The following TCTN2 variants were observed in gnomAD, a reference collection of about 807,000 sequenced individuals.
The protein encoded by TCTN2 is tectonic-2.
A neutral mutation model predicts 83.4 loss-of-function variants in TCTN2; 66 were observed. The ratio of observed to expected loss-of-function variants is 0.79; its 90% CI spans 0.65 to 0.97. The LOEUF is 0.97. Among genes scored for constraint, TCTN2 ranks in the 50% least tolerant of loss-of-function variants. TCTN2 has a pLI of 0.00. For synonymous variants in TCTN2, 301 were observed against 326.7 expected (o/e 0.92, Z 0.85); for missense variants, 794 against 858.1 (o/e 0.93, Z 0.93).
At chr12:123,705,676 C>T (rs1956220007) in intron 15 of TCTN2, among the ~76,000 whole-genome samples, 1 of 152,140 alleles carries the variant, frequency 6.6e-6, no homozygotes. Context: ...TGGCAAAGAT[C>T]AGCACCAGCA....
chr12:123,689,653 CCCT>C (rs1956018401), intron 7 of TCTN2, among the ~76,000 whole-genome samples: 1 of 152,096 alleles, frequency 6.6e-6, no homozygotes, highest in Admixed American at 6.6e-5. Flanking sequence ...CTGATCCTCT[CCCT>C]CCTCCTACTC....
intron 4 of TCTN2, among the ~76,000 whole-genome samples, chr12:123,675,494 T>C (rs1955810068): frequency 6.6e-6 from 1 of 152,182 alleles, no homozygotes; most frequent in Admixed American, 6.5e-5. Context: ...CCTTATTACA[T>C]CCCTAACTGT....
chr12:123,704,447 T>C (rs1238473842), intron 14 of TCTN2, 85 bp from the exon 15 acceptor site: 7 of 1,399,764 alleles, frequency 5.0e-6, no homozygotes, highest in Middle Eastern at 2.3e-4. Context: ...CTGCCTGATA[T>C]TATTCCCCAT....
intron 15 of TCTN2, 115 bp downstream of exon 15, chr12:123,704,803 T>A: frequency 1.7e-6 from 2 of 1,152,904 alleles, no homozygotes; most frequent in Non-Finnish European, 2.6e-6. Flanking sequence ...AACTTGCAAT[T>A]ATTAGCAAGA....
intron 4 of TCTN2, among the ~76,000 whole-genome samples, chr12:123,676,546 T>A (rs1187422723): frequency 8.5e-6 from 1 of 118,148 alleles, no homozygotes; most frequent in Non-Finnish European, 1.6e-5. Context: ...CCAGCCTGGG[T>A]GACAGAGCGA....
Position 123,673,782 on chromosome 12 carries a change from C to T in TCTN2, c.435C>T (p.Ala145=), listed in dbSNP as rs747906452. Residue 145 remains alanine (A), a synonymous_variant, in exon 4 of 18, where the codon GCC becomes GCT. Coordinates refer to ENST00000303372, the MANE Select transcript of TCTN2 (RefSeq NM_024809.5). ...AHLLIQVEIY[A]NSSLTHNASE... is the part of the protein sequence containing the mutation. ...TACTCATTCAAGTGGAAATTTATGC[C>T]AACTCTTCTCTGACCCATAATGCCT... 27 of 1,614,004 alleles carry T rather than the reference C, an allele frequency of 1.7e-5. No homozygotes were observed. Among genetic ancestry groups the T allele is most frequent in the Non-Finnish European group, 2.2e-5 (26 of 1,180,036 alleles).
Position 123,707,461 on chromosome 12 carries a change from G to A in TCTN2, c.1985-143G>A, listed in dbSNP as rs1211286394. Reference sequence around the variant, plus strand: ...TCACTGTGCTGGCCAGGCTGGTCTCGAACTGGCCTCAAGTGATCCGCCCTC... The same window carrying A: ...TCACTGTGCTGGCCAGGCTGGTCTCAAACTGGCCTCAAGTGATCCGCCCTC... On this transcript the variant is annotated intron_variant, in intron 17 of 17. Coordinates refer to ENST00000303372, the MANE Select transcript of TCTN2 (RefSeq NM_024809.5). 2.8e-5 allele frequency: 22 copies of A among 784,346 alleles called. No homozygotes were observed. In the South Asian group the frequency reaches 2.9e-4, roughly 10 times the overall value. The allele number at this position is 784,346 out of a possible 1,614,324, so 48.6% of individuals were successfully genotyped here. A position where few individuals can be genotyped will look rare whatever the true frequency, so the allele number is the denominator to read the frequency against.
rs1056089161 is a variant in TCTN2 at position 123,688,189 on chromosome 12, A to C, written c.891+12A>C. 1.2e-6 allele frequency: 2 copies of C among 1,610,870 alleles called. No individual in the cohort carries two copies. Among genetic ancestry groups the C allele is most frequent in the Non-Finnish European group, 1.7e-6 (2 of 1,177,954 alleles). On this transcript the variant is annotated intron_variant, in intron 7 of 17. Coordinates refer to ENST00000303372, the MANE Select transcript of TCTN2 (RefSeq NM_024809.5). ...TTACTATTCCGCAGGTAATCGTTGC[A>C]ATATTAGTATGCTAGACCGTTCTCT... is the stretch of plus-strand genomic sequence containing the variant.
At chr12:123,701,855 T>A (rs930846757) in intron 14 of TCTN2, among the ~76,000 whole-genome samples, 1 of 152,140 alleles carries the variant, frequency 6.6e-6, no homozygotes, top group African/African-American at 2.4e-5. Context: ...AGTGTTGAAT[T>A]GGCAAGTAGC....
chr12:123,672,283 C>T (rs1955764230), intron 3 of TCTN2, 151 bp downstream of exon 3: 3 of 772,138 alleles, frequency 3.9e-6, no homozygotes, highest in Non-Finnish European at 6.8e-6. Context: ...GACACTTATC[C>T]AGCCCACGGG....
At chr12:123,683,131 G>A (rs1955920114) in intron 5 of TCTN2, among the ~76,000 whole-genome samples, 1 of 151,640 alleles carries the variant, frequency 6.6e-6, no homozygotes, top group Non-Finnish European at 1.5e-5. Context: ...GCTGAGGCGG[G>A]AGAATCACTT....
At chr12:123,707,385 T>C (rs1489733606) in intron 17 of TCTN2, 2 of 639,232 alleles carry the variant, frequency 3.1e-6, no homozygotes, top group Non-Finnish European at 5.6e-6. Context: ...TAGCTGGGAT[T>C]ACAGCACCAA....
intron 3 of TCTN2, among the ~76,000 whole-genome samples, chr12:123,672,375 T>C (rs1310434910): frequency 6.6e-6 from 1 of 152,120 alleles, no homozygotes; most frequent in Non-Finnish European, 1.5e-5. Context: ...AAGTTCTGTG[T>C]GTATGTGCAT....
At chr12:123,682,666 C>T (rs936180126) in intron 5 of TCTN2, among the ~76,000 whole-genome samples, 2 of 151,180 alleles carry the variant, frequency 1.3e-5, no homozygotes, top group Admixed American at 6.6e-5. Flanking sequence ...ATTTTTAGCG[C>T]AGATGGGGTT....
intron 14 of TCTN2, among the ~76,000 whole-genome samples, chr12:123,702,448 C>A (rs1956183250): frequency 6.9e-6 from 1 of 145,454 alleles, no homozygotes; most frequent in Admixed American, 6.7e-5. Flanking sequence ...CCTCCCTTCC[C>A]CCTCTTGGTC....
At chr12:123,688,492 GGCATGA>G (rs1321895776) in intron 7 of TCTN2, among the ~76,000 whole-genome samples, 2 of 152,096 alleles carry the variant, frequency 1.3e-5, no homozygotes, top group African/African-American at 4.8e-5. Context: ...TGGGATTACA[GGCATGA>G]GCCACCATGC....
chr12:123,700,084 T>C lies in TCTN2; in HGVS notation c.1612+274T>C, dbSNP rs963946576. ...TGGAGTGCAGTGGTGCAATCACAGC[T>C]CATTGCCTCCTCATCCTCCCAGGCT... On this transcript the variant is annotated intron_variant, in intron 14 of 17. Transcript: ENST00000303372. 18 of 518,740 alleles carry C rather than the reference T, an allele frequency of 3.5e-5. 1 individual carries two copies. The Admixed American group carries it at 4.7e-4, about 14-fold the overall frequency. The allele number at this position is 518,740 out of a possible 1,614,324, so 32.1% of individuals were successfully genotyped here.
intron 8 of TCTN2, among the ~76,000 whole-genome samples, chr12:123,691,529 T>C (rs1593852806): frequency 1.3e-5 from 2 of 152,204 alleles, no homozygotes; most frequent in Non-Finnish European, 2.9e-5. Flanking sequence ...ACAGAGCACA[T>C]TGTGTTTGTC....
chr12:123,672,154 C>T (rs1955762071), intron 3 of TCTN2, 22 bp downstream of exon 3: 1 of 1,610,560 alleles, frequency 6.2e-7, no homozygotes, highest in Non-Finnish European at 8.5e-7. Flanking sequence ...AGTAAACCTT[C>T]TCTGTAGCCT....
Sources: gnomAD v4.1 joint callset for allele counts (sites outside exome capture counted in the v4.1 genomes callset) on GRCh38, gnomAD v4.1.1 for gene constraint, MANE v1.5 for transcripts, NCBI Gene and HGNC (gene_info 2026-07-23, HGNC 2026-07-21) for gene names.